Variants in PKIB observed in about 807,000 individuals in gnomAD.
PKIB encodes PKI-beta.
A neutral mutation model predicts 4.5 loss-of-function variants in PKIB; 2 were observed. The observed-to-expected ratio is 0.44, with a 90% CI of 0.18 to 1.39. The LOEUF (loss-of-function observed/expected upper bound fraction) is 1.39, where lower values mean the gene tolerates loss of function less well. Ranked by LOEUF, PKIB falls within the 40% of genes most tolerant of loss-of-function variation. PKIB has a pLI of 0.27. For missense variants in PKIB, 94 were observed against 92.6 expected, an observed-to-expected ratio of 1.02 and a Z score of -0.06; for synonymous variants, 38 against 36.0, an observed-to-expected ratio of 1.06 and a Z score of -0.20.
intron 1 of PKIB, among the ~76,000 whole-genome samples, chr6:122,474,545 G>A (rs1196428416): frequency 3.3e-5 from 5 of 152,202 alleles, no homozygotes; most frequent in African/African-American, 9.6e-5. Context: ...TCCATATGTG[G>A]CATCAGAGAG....
At chr6:122,529,415 T>C (rs965866914) in intron 2 of PKIB, among the ~76,000 whole-genome samples, 2 of 152,234 alleles carry the variant, frequency 1.3e-5, no homozygotes, top group African/African-American at 2.4e-5. Context: ...CTCACTAATA[T>C]GACTTTATAG....
chr6:122,560,305 G>A (rs1772976563), intron 2 of PKIB, among the ~76,000 whole-genome samples: 6 of 151,942 alleles, frequency 3.9e-5, no homozygotes, highest in African/African-American at 1.4e-4. Flanking sequence ...AGATGATCAT[G>A]TGATTTTTGT....
chr6:122,488,068 C>T (rs1775820688), intron 2 of PKIB, among the ~76,000 whole-genome samples: 1 of 152,072 alleles, frequency 6.6e-6, no homozygotes, highest in Non-Finnish European at 1.5e-5. Flanking sequence ...TAATTATTTA[C>T]CCATTCATTT....
At chr6:122,619,181 T>C (rs911102174) in intron 1 of PKIB, among the ~76,000 whole-genome samples, 10 of 152,164 alleles carry the variant, frequency 6.6e-5, no homozygotes, top group African/African-American at 2.2e-4. Flanking sequence ...CCATTAATGA[T>C]TTAGGGTGCA....
intron 3 of PKIB, among the ~76,000 whole-genome samples, chr6:122,688,936 A>G (rs1412315326): frequency 1.3e-5 from 2 of 151,612 alleles, no homozygotes; most frequent in Non-Finnish European, 1.5e-5. Context: ...GCCCGCCACC[A>G]CGCCCGTCTA....
chr6:122,485,433 A>T (rs1775738192), intron 2 of PKIB, among the ~76,000 whole-genome samples: 1 of 152,192 alleles, frequency 6.6e-6, no homozygotes, highest in Admixed American at 6.5e-5. Context: ...TTAGGTTAAA[A>T]TATTAGAACA....
At chr6:122,507,363 G>A (rs1754290855) in intron 2 of PKIB, among the ~76,000 whole-genome samples, 1 of 152,170 alleles carries the variant, frequency 6.6e-6, no homozygotes, top group African/African-American at 2.4e-5. Context: ...TTTTAACCAT[G>A]TAACAGGCCT....
intron 4 of PKIB, among the ~76,000 whole-genome samples, chr6:122,718,308 A>G (rs891249741): frequency 1.3e-5 from 2 of 152,262 alleles, no homozygotes; most frequent in African/African-American, 4.8e-5. Context: ...AAATAAAATA[A>G]TTTTTCTTCT....
At chr6:122,639,020 G>GA (rs1187633143) in intron 2 of PKIB, among the ~76,000 whole-genome samples, 1 of 152,084 alleles carries the variant, frequency 6.6e-6, no homozygotes, top group African/African-American at 2.4e-5. Flanking sequence ...ACCACCACCA[G>GA]AAAAAAGTCT....
chr6:122,614,851 A>T (rs1159792544), intron 1 of PKIB, among the ~76,000 whole-genome samples: 3 of 152,182 alleles, frequency 2.0e-5, no homozygotes, highest in African/African-American at 7.2e-5. Flanking sequence ...CAATTACATT[A>T]GTGTATTACA....
At chr6:122,528,020 A>G (rs1180510778) in intron 2 of PKIB, among the ~76,000 whole-genome samples, 1 of 152,100 alleles carries the variant, frequency 6.6e-6, no homozygotes, top group Non-Finnish European at 1.5e-5. Context: ...AATTGTGTCA[A>G]AGTTTGCTTC....
intron 2 of PKIB, among the ~76,000 whole-genome samples, chr6:122,649,591 T>C (rs1045321867): frequency 6.6e-6 from 1 of 152,140 alleles, no homozygotes; most frequent in African/African-American, 2.4e-5. Context: ...CTGTTTCAGC[T>C]CAATCTTATA....
At chr6:122,522,167 G>A (rs1049789964) in intron 2 of PKIB, among the ~76,000 whole-genome samples, 18 of 151,874 alleles carry the variant, frequency 1.2e-4, no homozygotes, top group Admixed American at 2.6e-4. Flanking sequence ...AACATAAAGC[G>A]AGAAATGCAC....
chr6:122,572,990 C>T (rs942265759), intron 2 of PKIB, among the ~76,000 whole-genome samples: 1 of 151,968 alleles, frequency 6.6e-6, no homozygotes, highest in Non-Finnish European at 1.5e-5. Flanking sequence ...AAAAAATTGC[C>T]AACACAGAAA....
rs116438353 is a variant in PKIB, at chr6:122,629,125, C to T, written c.-160-4158C>T. ...GAAGGGGGCAGCTGGTGGCACACCA[C>T]AATGTCCATTACAACTGCTTCATAA... On this transcript the variant is annotated intron_variant, in intron 1 of 4. Transcript: ENST00000368452. Among the ~76,000 whole-genome samples, 1,465 of 152,276 alleles carry T rather than the reference C, an allele frequency of 9.6e-3. 28 individuals carry two copies. The highest frequency in any genetic ancestry group is 0.033 in the African/African-American group (1,374 of 41,556).
At chr6:122,618,526 A>T (rs1402483810) in intron 1 of PKIB, among the ~76,000 whole-genome samples, 1 of 151,972 alleles carries the variant, frequency 6.6e-6, no homozygotes, top group Non-Finnish European at 1.5e-5. Context: ...TAGTTTTAAG[A>T]AAAAAAAGGT....
chr6:122,498,792 C>T (rs568166176), intron 2 of PKIB, among the ~76,000 whole-genome samples: 223 of 152,042 alleles, frequency 1.5e-3, no homozygotes, highest in African/African-American at 5.0e-3. Context: ...GTTCTTTAAA[C>T]GAATAAACAA....
At chr6:122,539,023 A>G (rs529937583) in intron 2 of PKIB, among the ~76,000 whole-genome samples, 1 of 152,050 alleles carries the variant, frequency 6.6e-6, no homozygotes, top group Non-Finnish European at 1.5e-5. Context: ...ATTTTTGTAC[A>G]TTGATTTTGT....
intron 2 of PKIB, among the ~76,000 whole-genome samples, chr6:122,491,187 A>G (rs1775925162): frequency 6.6e-6 from 1 of 152,160 alleles, no homozygotes; most frequent in African/African-American, 2.4e-5. Flanking sequence ...ACATACTTCC[A>G]TGGTCTTGCA....
Sources: gnomAD v4.1 joint callset for allele counts (sites outside exome capture counted in the v4.1 genomes callset) on GRCh38, gnomAD v4.1.1 for gene constraint, MANE v1.5 for transcripts, NCBI Gene and HGNC (gene_info 2026-07-23, HGNC 2026-07-21) for gene names.